The following CASD1 variants were observed in gnomAD, a reference collection of about 807,000 sequenced individuals.
The protein encoded by CASD1 is CAS1 domain sialic acid O acetyltransferase 1, also known as N-acetylneuraminate (7)9-O-acetyltransferase.
Under a neutral mutation model 100.0 loss-of-function variants are expected in CASD1, and 41 were observed. The ratio of observed to expected loss-of-function variants is 0.41; its 90% CI spans 0.32 to 0.53. The LOEUF (loss-of-function observed/expected upper bound fraction) is 0.53, where lower values mean the gene tolerates loss of function less well. Ranked by LOEUF, CASD1 falls within the 20% of genes least tolerant of loss-of-function variation. CASD1 has a pLI of 0.25. For missense variants in CASD1, 774 were observed against 948.7 expected, an observed-to-expected ratio of 0.82 and a Z score of 2.42; for synonymous variants, 321 against 315.6, an observed-to-expected ratio of 1.02 and a Z score of -0.18.
the CASD1 span, chr7:94,627,957 AAG>A: frequency 4.2e-6 from 2 of 478,194 alleles, no homozygotes; most frequent in Non-Finnish European, 7.5e-6. Flanking sequence ...AATCTCTTTT[AAG>A]GTCATATTTT....
At chr7:94,511,082 C>A (rs1339150663) in intron 1 of CASD1, among the ~76,000 whole-genome samples, 1 of 152,202 alleles carries the variant, frequency 6.6e-6, no homozygotes, top group African/African-American at 2.4e-5. Flanking sequence ...CTTCTCCTTG[C>A]TGATTGATTG....
chr7:94,530,058 A>G (rs1014183903), intron 5 of CASD1, among the ~76,000 whole-genome samples: 32 of 152,166 alleles, frequency 2.1e-4, no homozygotes, highest in East Asian at 9.6e-4. Context: ...CCTCCCCTCA[A>G]AGAGCTAGAT....
intron 1 of CASD1, among the ~76,000 whole-genome samples, chr7:94,514,457 T>G (rs1488348354): frequency 6.6e-6 from 1 of 152,192 alleles, no homozygotes; most frequent in Non-Finnish European, 1.5e-5. Context: ...GGAAACAGTT[T>G]TAGCAGGATA....
intron 7 of CASD1, among the ~76,000 whole-genome samples, chr7:94,534,661 C>G (rs903876636): frequency 6.6e-6 from 1 of 151,848 alleles, no homozygotes; most frequent in African/African-American, 2.4e-5. Flanking sequence ...GATATTTTAG[C>G]AATTCATGTT....
chr7:94,555,173 A>T (rs1166001834), intron 17 of CASD1, among the ~76,000 whole-genome samples: 1 of 152,138 alleles, frequency 6.6e-6, no homozygotes, highest in African/African-American at 2.4e-5. Context: ...TTGTAATAAC[A>T]ACATATATTT....
At position 94,555,862 on chromosome 7, in the gene CASD1, C is replaced by T. The variant is rs1388453957; in HGVS notation, c.*104C>T. On this transcript the variant is annotated 3_prime_UTR_variant, in exon 18 of 18. Coordinates refer to ENST00000297273, the MANE Select transcript of CASD1 (RefSeq NM_022900.5). ...ATATAAATGTGTATGTAAATATAAA[C>T]GTTTGTGGCAAGAGGACAGTTCTGT... 10 of 1,212,328 alleles carry T rather than the reference C, an allele frequency of 8.2e-6. No homozygotes were observed. The highest frequency in any genetic ancestry group is 7.1e-5 in the Admixed American group (3 of 42,238). The allele number at this position is 1,212,328 out of a possible 1,614,324, so 75.1% of individuals were successfully genotyped here.
chr7:94,600,964 C>T, the CASD1 span: 2 of 929,266 alleles, frequency 2.2e-6, no homozygotes, highest in South Asian at 1.4e-5. Context: ...TCTAAAAAGC[C>T]ATCTTTTCCA....
At chr7:94,578,017 G>T in the CASD1 span, among the ~76,000 whole-genome samples, 51,250 of 151,938 alleles carry the variant, frequency 0.34, 9,528 homozygotes, top group Non-Finnish European at 0.41. Flanking sequence ...GGAAAGATGA[G>T]AATAGGGCCA....
the CASD1 span, chr7:94,599,267 A>T: frequency 3.3e-6 from 1 of 304,442 alleles, no homozygotes; most frequent in Admixed American, 4.6e-5. Flanking sequence ...CTATGATTTA[A>T]GATAAAACTA....
At position 94,555,838 on chromosome 7, in the gene CASD1, T is replaced by C; in HGVS notation, c.*80T>C. On this transcript the variant is annotated 3_prime_UTR_variant, in exon 18 of 18. Transcript: ENST00000297273. Reference sequence around the variant, plus strand: ...GAAGAGAAAAGCATCTATCTGGAGATATAAATGTGTATGTAAATATAAACG... The same window carrying C: ...GAAGAGAAAAGCATCTATCTGGAGACATAAATGTGTATGTAAATATAAACG... The C allele has an allele frequency of 5.2e-6, 7 of 1,347,798 alleles. No individual in the cohort carries two copies. The South Asian group carries it at 8.4e-5, about 16-fold the overall frequency. 83.5% of individuals were successfully genotyped at this position (1,347,798 alleles called of 1,614,324 possible). A position where few individuals can be genotyped will look rare whatever the true frequency, so the allele number is the denominator to read the frequency against.
the CASD1 span, chr7:94,623,613 A>G: frequency 1.4e-5 from 7 of 511,114 alleles, no homozygotes; most frequent in East Asian, 2.1e-4. Context: ...ATATACTGAA[A>G]CAAAAAGTTA....
At chr7:94,571,847 TG>T in the CASD1 span, among the ~76,000 whole-genome samples, 1 of 146,662 alleles carries the variant, frequency 6.8e-6, no homozygotes, top group African/African-American at 2.6e-5. Flanking sequence ...AGTGTATGAC[TG>T]TACAACCTTT....
the CASD1 span, chr7:94,587,585 T>C: frequency 7.3e-7 from 1 of 1,377,272 alleles, no homozygotes; most frequent in Admixed American, 3.9e-5. Context: ...TTTAGGTGAC[T>C]CATTTTTATA....
In CASD1 at chr7:94,535,420, C is replaced by T; in HGVS notation, c.740C>T (p.Ser247Phe). ...ATTTTGAATAGTAGCACCAGAAATTCTAAATCAAATGTTAAGATGTTCAGT... is the reference window on the plus strand; with the variant it reads ...ATTTTGAATAGTAGCACCAGAAATTTTAAATCAAATGTTAAGATGTTCAGT... ...VSILNSSTRN[S>F]KSNVKMFSVS... is the part of the protein sequence containing the mutation. The change falls in exon 8 of 18, where the codon TCT (serine) becomes TTT (phenylalanine). Residue 247 changes from serine (S) to phenylalanine (F), a missense_variant. Transcript: ENST00000297273. The T allele has an allele frequency of 1.9e-6, 3 of 1,613,450 alleles. No individual in the cohort carries two copies. Among genetic ancestry groups the T allele is most frequent in the Non-Finnish European group, 2.5e-6 (3 of 1,179,600 alleles).
At chr7:94,533,828 T>C (rs768010152) in intron 7 of CASD1, 26 bp downstream of exon 7, 14 of 1,519,138 alleles carry the variant, frequency 9.2e-6, no homozygotes, top group Non-Finnish European at 7.9e-6. Context: ...TGAAAAAATG[T>C]CACTTTGTGT....
chr7:94,537,704 C>T lies in CASD1; in HGVS notation c.1076C>T (p.Thr359Ile). 6.2e-7 allele frequency: 1 copy of T among 1,613,578 alleles called. No individual in the cohort carries two copies. Among genetic ancestry groups the T allele is most frequent in the Non-Finnish European group, 8.5e-7 (1 of 1,179,716 alleles). The change falls in exon 9 of 18, where the codon ACC (threonine) becomes ATC (isoleucine). Residue 359 changes from threonine to isoleucine, a missense_variant. Physicochemically the swap from Thr to Ile is moderately conservative, Grantham distance 89 (BLOSUM62 -1). Transcript: ENST00000297273. ...GAGGAAAAGAAAAATATTATCAATA[C>T]CCCTGTGTCTTCATTAGAAATACTT... is the stretch of plus-strand genomic sequence containing the variant. ...SGEEKKNIIN[T>I]PVSSLEILLQ...
chr7:94,566,626 T>A, the CASD1 span, among the ~76,000 whole-genome samples: 1 of 152,152 alleles, frequency 6.6e-6, no homozygotes, highest in Non-Finnish European at 1.5e-5. Flanking sequence ...ACATAAATAG[T>A]TTAACTTGGA....
chr7:94,604,013 G>A, the CASD1 span, among the ~76,000 whole-genome samples: 7 of 152,016 alleles, frequency 4.6e-5, no homozygotes, highest in African/African-American at 1.7e-4. Flanking sequence ...TCATTAGAAG[G>A]CCTTGCAATC....
intron 5 of CASD1, among the ~76,000 whole-genome samples, chr7:94,531,607 A>G (rs1229795376): frequency 6.6e-6 from 1 of 152,304 alleles, no homozygotes; most frequent in East Asian, 1.9e-4. Flanking sequence ...AACAGTGTAA[A>G]ATGAAGCATG....
Sources: gnomAD v4.1 joint callset for allele counts (sites outside exome capture counted in the v4.1 genomes callset) on GRCh38, gnomAD v4.1.1 for gene constraint, MANE v1.5 for transcripts, NCBI Gene and HGNC (gene_info 2026-07-23, HGNC 2026-07-21) for gene names.